DCLK2: variants seen among roughly 807,000 people sequenced by gnomAD.
The protein encoded by DCLK2 is doublecortin like kinase 2, also known as serine/threonine-protein kinase DCLK2.
A neutral mutation model predicts 78.4 loss-of-function variants in DCLK2; 31 were observed. That is an observed-to-expected ratio of 0.40 (90% confidence interval 0.30 to 0.53). The LOEUF is 0.53. Among genes scored for constraint, DCLK2 ranks in the 20% least tolerant of loss-of-function variants. The pLI is 0.61. For missense variants in DCLK2, 872 were observed against 973.7 expected (o/e 0.90, Z 1.39); for synonymous variants, 407 against 374.9 (o/e 1.09, Z -0.99).
chr4:150,201,413 A>G (rs1739442622), intron 4 of DCLK2, among the ~76,000 whole-genome samples: 1 of 152,168 alleles, frequency 6.6e-6, no homozygotes, highest in African/African-American at 2.4e-5. Context: ...AAATGTGCAG[A>G]TAAGTGAAAT....
chr4:150,172,398 T>C (rs1350163340), intron 2 of DCLK2, among the ~76,000 whole-genome samples: 1 of 151,700 alleles, frequency 6.6e-6, no homozygotes, highest in African/African-American at 2.4e-5. Flanking sequence ...GGTCAGGAGA[T>C]TGAGACCATC....
intron 2 of DCLK2, among the ~76,000 whole-genome samples, chr4:150,113,441 T>C (rs960756972): frequency 2.1e-4 from 27 of 128,588 alleles, no homozygotes; most frequent in African/African-American, 7.5e-4. Context: ...GTTACTGGTT[T>C]GTTCAGGGTT....
chr4:150,102,371 C>T, intron 1 of DCLK2, 107 bp from the exon 2 acceptor site: 1 of 1,023,400 alleles, frequency 9.8e-7, no homozygotes, highest in South Asian at 1.7e-5. Context: ...TTAGTGAACC[C>T]ACTAAGGTTA....
chr4:150,255,467 T>C (rs1744490399), intron 15 of DCLK2, among the ~76,000 whole-genome samples: 1 of 152,234 alleles, frequency 6.6e-6, no homozygotes, highest in South Asian at 2.1e-4. Flanking sequence ...AAGCTTTGCT[T>C]CATGTGAAGA....
At chr4:150,143,473 G>T (rs981164565) in intron 2 of DCLK2, among the ~76,000 whole-genome samples, 1 of 152,144 alleles carries the variant, frequency 6.6e-6, no homozygotes, top group Non-Finnish European at 1.5e-5. Flanking sequence ...GTGAGACCCA[G>T]TCTCTACTTT....
intron 2 of DCLK2, among the ~76,000 whole-genome samples, chr4:150,187,766 C>T (rs1001575399): frequency 6.6e-6 from 1 of 151,114 alleles, no homozygotes; most frequent in East Asian, 1.9e-4. Context: ...GTCCCTGTCC[C>T]GAGTATACCT....
chr4:150,211,295 TC>T (rs1560873733), intron 5 of DCLK2, among the ~76,000 whole-genome samples: 1 of 151,906 alleles, frequency 6.6e-6, no homozygotes, highest in African/African-American at 2.4e-5. Context: ...CAGGTGGCTT[TC>T]CCCAGAACCA....
Position 150,128,190 on chromosome 4 carries a change from G to A in DCLK2, c.756+25378G>A, listed in dbSNP as rs145420386. The stretch of plus-strand genomic sequence containing the variant: ...GCTGCCACATATTCTACAGTGCATA[G>A]GAAAGGCCTCCAAAACAAAGAATTG... On this transcript the variant is annotated intron_variant, in intron 2 of 15. Coordinates refer to ENST00000296550, the MANE Select transcript of DCLK2 (RefSeq NM_001040260.4). Among the ~76,000 whole-genome samples the A allele has an allele frequency of 5.4e-4, 82 of 152,268 alleles. No individual in the cohort carries two copies. The Middle Eastern group carries it at 0.01, about 19-fold the overall frequency.
At chr4:150,109,277 G>A (rs1731485814) in intron 2 of DCLK2, among the ~76,000 whole-genome samples, 1 of 151,200 alleles carries the variant, frequency 6.6e-6, no homozygotes, top group African/African-American at 2.4e-5. Context: ...TTTCCTTAAA[G>A]TAGGTAAGGA....
chr4:150,180,377 T>C (rs943855870), intron 2 of DCLK2, among the ~76,000 whole-genome samples: 3 of 152,202 alleles, frequency 2.0e-5, no homozygotes, highest in Admixed American at 6.5e-5. Flanking sequence ...CTGTTGGAAA[T>C]AGAAAATTTT....
In DCLK2 at chr4:150,151,994, G is replaced by A. The variant is rs367907159; in HGVS notation, c.757-41144G>A. 2.0e-5 allele frequency among the ~76,000 whole-genome samples: 3 copies of A among 152,124 alleles called. No homozygotes were observed. The East Asian group carries it at 5.8e-4, about 29-fold the overall frequency. On this transcript the variant is annotated intron_variant, in intron 2 of 15. Coordinates refer to ENST00000296550, the MANE Select transcript of DCLK2 (RefSeq NM_001040260.4). ...TAAAGACCACAAAATGAGGTACTGT[G>A]CACAGTATTAAGGTTGTTATTGTAA...
At chr4:150,247,581 C>G (rs1206133311) in intron 12 of DCLK2, 22 bp from the exon 13 acceptor site, 38 of 1,605,680 alleles carry the variant, frequency 2.4e-5, no homozygotes, top group Non-Finnish European at 3.1e-5. Context: ...ACTTTTCTTC[C>G]ATTTCTTTGT....
At chr4:150,192,663 AAGCAGTTTTTATAT>A (rs963057000) in intron 2 of DCLK2, among the ~76,000 whole-genome samples, 2 of 152,164 alleles carry the variant, frequency 1.3e-5, no homozygotes, top group African/African-American at 4.8e-5. Context: ...ACATTGTTCC[AAGCAGTTTTTATAT>A]ATTAATCCTC....
rs35494411 is a variant in DCLK2 at position 150,097,172 on chromosome 4, C to CTT, written c.422-5290_422-5289dup. Among the ~76,000 whole-genome samples the CTT allele has an allele frequency of 4.9e-4, 65 of 133,968 alleles. No individual in the cohort carries two copies. In the South Asian group the frequency reaches 0.014, roughly 28 times the overall value. The allele number at this position is 133,968 out of a possible 152,430, so 87.9% of individuals were successfully genotyped here. ...GAGTGAGAAATTGGAAATTTCTAGC[C>CTT]TTTTTTTTTTTTTTTTTGAGACAGA... On this transcript the variant is annotated intron_variant, in intron 1 of 15. Transcript: ENST00000296550.
At chr4:150,255,047 C>A (rs1472515760) in intron 15 of DCLK2, among the ~76,000 whole-genome samples, 1 of 152,190 alleles carries the variant, frequency 6.6e-6, no homozygotes, top group African/African-American at 2.4e-5. Flanking sequence ...TAGGTGGCCC[C>A]AGGTGCCCTG....
rs140400068 is a variant in DCLK2 at position 150,162,882 on chromosome 4, C to T, written c.757-30256C>T. Among the ~76,000 whole-genome samples, 131 of 152,332 alleles carry T rather than the reference C, an allele frequency of 8.6e-4. 1 individual carries two copies. The highest frequency in any genetic ancestry group is 1.5e-3 in the Non-Finnish European group (102 of 68,036). ...CATAGAGGACAATAACTCAGACCCA[C>T]ATTTGACAGATCTTCTCTTTTCACT... On this transcript the variant is annotated intron_variant, in intron 2 of 15. Coordinates refer to ENST00000296550, the MANE Select transcript of DCLK2 (RefSeq NM_001040260.4).
At chr4:150,137,573 A>G (rs1733786329) in intron 2 of DCLK2, among the ~76,000 whole-genome samples, 1 of 152,180 alleles carries the variant, frequency 6.6e-6, no homozygotes, top group Non-Finnish European at 1.5e-5. Context: ...AAATGACTAC[A>G]AAGGAAAATA....
intron 2 of DCLK2, among the ~76,000 whole-genome samples, chr4:150,157,390 C>G (rs115285409): frequency 6.6e-6 from 1 of 152,078 alleles, no homozygotes; most frequent in East Asian, 1.9e-4. Flanking sequence ...AAGCAATCCT[C>G]ACACCTCAGC....
chr4:150,093,046 C>T (rs1449672382), intron 1 of DCLK2, among the ~76,000 whole-genome samples: 2 of 152,118 alleles, frequency 1.3e-5, no homozygotes. Flanking sequence ...ACCCTGAGGA[C>T]CACACAAAAA....
Sources: allele counts gnomAD v4.1 joint callset (sites outside exome capture counted in the v4.1 genomes callset), GRCh38; gene constraint gnomAD v4.1.1; transcripts MANE v1.5; gene names NCBI Gene and HGNC (gene_info 2026-07-23, HGNC 2026-07-21).